TRIM71: variants seen among roughly 807,000 people sequenced by gnomAD.
TRIM71 encodes the protein E3 ubiquitin-protein ligase TRIM71.
TRIM71 carries 9 observed loss-of-function variants against 61.2 expected under a neutral mutation model. The ratio of observed to expected loss-of-function variants is 0.15; its 90% CI spans 0.09 to 0.26. The LOEUF is 0.26. Among genes scored for constraint, TRIM71 ranks in the 10% least tolerant of loss-of-function variants. The probability of loss-of-function intolerance (pLI) is 1.00; values close to 1 mark genes in which losing one functional copy is unlikely to be tolerated. For synonymous variants in TRIM71, 645 were observed against 553.2 expected (o/e 1.17, Z -2.33); for missense variants, 998 against 1,238.7 (o/e 0.81, Z 2.92).
chr3:32,861,904 A>T (rs926085060), intron 1 of TRIM71, among the ~76,000 whole-genome samples: 5 of 152,196 alleles, frequency 3.3e-5, no homozygotes, highest in Non-Finnish European at 7.3e-5. Flanking sequence ...CGGCAATCCC[A>T]GTGCAGCACG....
At chr3:32,845,602 T>C (rs186844722) in intron 1 of TRIM71, among the ~76,000 whole-genome samples, 3 of 152,340 alleles carry the variant, frequency 2.0e-5, no homozygotes, top group East Asian at 1.9e-4. Context: ...TATGATATTA[T>C]AAGCCAGTTG....
chr3:32,879,958 C>T (rs1272670735), intron 2 of TRIM71, among the ~76,000 whole-genome samples: 1 of 151,772 alleles, frequency 6.6e-6, no homozygotes, highest in Non-Finnish European at 1.5e-5. Flanking sequence ...AAGACTCTGT[C>T]TCAAAAAAGA....
At chr3:32,854,255 A>G (rs1021338628) in intron 1 of TRIM71, among the ~76,000 whole-genome samples, 1 of 152,136 alleles carries the variant, frequency 6.6e-6, no homozygotes, top group Non-Finnish European at 1.5e-5. Flanking sequence ...CGGCTTCCCA[A>G]AGTGCTGGGA....
intron 1 of TRIM71, among the ~76,000 whole-genome samples, chr3:32,823,029 A>G (rs980667242): frequency 6.6e-6 from 1 of 152,226 alleles, no homozygotes; most frequent in Non-Finnish European, 1.5e-5. Flanking sequence ...AACCTGCTCT[A>G]CACTACTGGG....
At chr3:32,818,966 G>C in intron 1 of TRIM71, 34 bp downstream of exon 1, 1 of 1,601,614 alleles carries the variant, frequency 6.2e-7, no homozygotes, top group African/African-American at 1.3e-5. Flanking sequence ...TGTGTCCATC[G>C]GATAACTGCG....
At chr3:32,874,032 C>A (rs749869851) in intron 2 of TRIM71, 47 bp downstream of exon 2, 1 of 1,542,632 alleles carries the variant, frequency 6.5e-7, no homozygotes, top group Admixed American at 1.8e-5. Context: ...ATCGAGCCCC[C>A]CTTTCTGTCG....
intron 1 of TRIM71, among the ~76,000 whole-genome samples, chr3:32,850,254 T>C (rs996655202): frequency 1.3e-5 from 2 of 150,568 alleles, no homozygotes; most frequent in African/African-American, 4.9e-5. Context: ...CATTGCTAAT[T>C]GGGAATACAG....
chr3:32,887,217 CT>C (rs912519377), intron 3 of TRIM71, among the ~76,000 whole-genome samples: 1 of 152,126 alleles, frequency 6.6e-6, no homozygotes, highest in African/African-American at 2.4e-5. Flanking sequence ...CCGCTTTCAC[CT>C]TAGTTACCCT....
chr3:32,842,369 C>G (rs980188131), intron 1 of TRIM71, among the ~76,000 whole-genome samples: 10 of 152,164 alleles, frequency 6.6e-5, no homozygotes, highest in African/African-American at 2.4e-4. Context: ...TCTTTGTAAG[C>G]TGCTTTTCTT....
intron 2 of TRIM71, among the ~76,000 whole-genome samples, chr3:32,878,546 C>T (rs1035660758): frequency 8.5e-5 from 13 of 152,182 alleles, no homozygotes; most frequent in Admixed American, 3.3e-4. Context: ...ACCCAAGAGG[C>T]GGAGGTTGCA....
At chr3:32,820,330 G>T (rs957893040) in intron 1 of TRIM71, among the ~76,000 whole-genome samples, 1 of 152,230 alleles carries the variant, frequency 6.6e-6, no homozygotes, top group African/African-American at 2.4e-5. Flanking sequence ...TTGGAAAAAA[G>T]TTGAAATTCT....
chr3:32,835,969 C>T (rs760598386), intron 1 of TRIM71, among the ~76,000 whole-genome samples: 3 of 152,188 alleles, frequency 2.0e-5, no homozygotes, highest in Non-Finnish European at 4.4e-5. Flanking sequence ...CTGGTCATTA[C>T]TTGCTCTAAA....
rs1296828427 is a variant in TRIM71, at chr3:32,818,694, G to A, written c.614G>A (p.Gly205Asp). Residue 205 changes from glycine to aspartate, a missense_variant, in exon 1 of 4, where the codon GGC becomes GAC. Coordinates refer to ENST00000383763, the MANE Select transcript of TRIM71 (RefSeq NM_001039111.3). Reference protein sequence around the residue: ...RPHGCSSCDEGNAASSRCLDC... With the variant: ...RPHGCSSCDEDNAASSRCLDC... ...CACGGCTGCAGCTCGTGCGATGAGG[G>A]CAACGCAGCTTCTTCGCGCTGCCTC... The A allele has an allele frequency of 1.3e-6, 2 of 1,576,602 alleles. No individual in the cohort carries two copies. The highest frequency in any genetic ancestry group is 1.1e-5 in the South Asian group (1 of 88,390).
In TRIM71 at chr3:32,896,161, TCTCTTC is replaced by T. The variant is rs1697075514; in HGVS notation, c.*4351_*4356del. The T allele has an allele frequency of 6.6e-6, 1 of 152,224 alleles. No individual in the cohort carries two copies. The highest frequency in any genetic ancestry group is 2.4e-5 in the African/African-American group (1 of 41,460). 9.4% of individuals were successfully genotyped at this position (152,224 alleles called of 1,614,324 possible). ...ACAAATAAAGACCTTTAGGTCTCTTTCTCTTCAAGAGAAAAATATTTTATCTGTATT... is the reference window on the plus strand; with the variant it reads ...ACAAATAAAGACCTTTAGGTCTCTTTAAGAGAAAAATATTTTATCTGTATT... On this transcript the variant is annotated 3_prime_UTR_variant, in exon 4 of 4. Transcript: ENST00000383763.
intron 1 of TRIM71, among the ~76,000 whole-genome samples, chr3:32,841,741 C>A (rs1696408292): frequency 6.6e-6 from 1 of 152,152 alleles, no homozygotes; most frequent in Admixed American, 6.5e-5. Flanking sequence ...TTTATTGTTT[C>A]CTTTTTCAAG....
chr3:32,874,102 T>C (rs1696827690), intron 2 of TRIM71, 117 bp downstream of exon 2: 2 of 1,047,204 alleles, frequency 1.9e-6, no homozygotes, highest in East Asian at 5.1e-5. Context: ...GTGACCCAAA[T>C]GAGCTCAGGT....
intron 1 of TRIM71, among the ~76,000 whole-genome samples, chr3:32,860,857 A>G (rs930106679): frequency 3.9e-5 from 6 of 152,252 alleles, no homozygotes; most frequent in Middle Eastern, 3.4e-3. Context: ...GGCTACAAAC[A>G]CTAACTTGAA....
intron 1 of TRIM71, among the ~76,000 whole-genome samples, chr3:32,867,900 G>T (rs946863158): frequency 9.9e-5 from 15 of 152,104 alleles, no homozygotes; most frequent in African/African-American, 3.6e-4. Flanking sequence ...CAGGGTGTGT[G>T]TGTTAATTGC....
intron 1 of TRIM71, among the ~76,000 whole-genome samples, chr3:32,866,779 G>C (rs1481333935): frequency 6.6e-6 from 1 of 152,176 alleles, no homozygotes; most frequent in East Asian, 1.9e-4. Context: ...CTTGTAGAAT[G>C]GGGCATTGGG....
Sources: gnomAD v4.1 joint callset for allele counts (sites outside exome capture counted in the v4.1 genomes callset) on GRCh38, gnomAD v4.1.1 for gene constraint, MANE v1.5 for transcripts, NCBI Gene and HGNC (gene_info 2026-07-23, HGNC 2026-07-21) for gene names.